INTS1: variants seen among roughly 807,000 people sequenced by gnomAD.
The protein encoded by INTS1 is integrator complex subunit 1.
In INTS1, 137 loss-of-function variants were observed where a neutral mutation model predicts 241.6. That is an observed-to-expected ratio of 0.57 (90% CI 0.49 to 0.65). The LOEUF (loss-of-function observed/expected upper bound fraction) is 0.65. Ranked by LOEUF, INTS1 falls within the 30% of genes least tolerant of loss-of-function variation. The pLI, the probability that INTS1 is intolerant of heterozygous loss-of-function variation, is 0.00. For synonymous variants in INTS1, 1,692 were observed against 1,337.8 expected, an observed-to-expected ratio of 1.26 and a Z score of -5.78; for missense variants, 3,073 against 3,032.2, an observed-to-expected ratio of 1.01 and a Z score of -0.32.
rs545347667 is a variant in INTS1, at chr7:1,481,797, G to C, written c.3704-309C>G. 6.6e-6 allele frequency among the ~76,000 whole-genome samples: 1 copy of C among 150,684 alleles called. No individual in the cohort carries two copies. The highest frequency in any genetic ancestry group is 1.5e-5 in the Non-Finnish European group (1 of 67,546). On this transcript the variant is annotated intron_variant, in intron 27 of 47. Coordinates refer to ENST00000404767, the MANE Select transcript of INTS1 (RefSeq NM_001080453.3). The surrounding 1 kb of genome is among the most constrained non-coding windows in gnomAD (Gnocchi z 6.8). ...CTGAGACCCTGGGCCACGTGGGCTC[G>C]GTGACCCCACCCGAGACCTGGGGCC...
At chr7:1,495,350 T>TGGGG in intron 13 of INTS1, 83 bp downstream of exon 13, 1 of 1,478,930 alleles carries the variant, frequency 6.8e-7, no homozygotes, top group Non-Finnish European at 9.1e-7. Context: ...TCAGTGGGGT[T>TGGGG]TGGGGCAGGG....
chr7:1,481,074 T>A lies in INTS1; in HGVS notation c.3851-141A>T. ...GACTTCAGAAGCTGGGTGAGCTCAG[T>A]CAGCACTGAGGCCCCAACAGCTCCC... On this transcript the variant is annotated intron_variant, in intron 28 of 47. Coordinates refer to ENST00000404767, the MANE Select transcript of INTS1 (RefSeq NM_001080453.3). The surrounding 1 kb of genome is among the most constrained non-coding windows in gnomAD (Gnocchi z 6.8). 1 of 713,572 alleles carries A rather than the reference T, an allele frequency of 1.4e-6. No homozygotes were observed. Among genetic ancestry groups the A allele is most frequent in the Admixed American group, 2.3e-5 (1 of 44,220 alleles). 44.2% of individuals were successfully genotyped at this position (713,572 alleles called of 1,614,324 possible). A position where few individuals can be genotyped will look rare whatever the true frequency, so the allele number is the denominator to read the frequency against.
chr7:1,473,105 T>C lies in INTS1; in HGVS notation c.6037A>G (p.Arg2013Gly). The C allele has an allele frequency of 3.1e-6, 5 of 1,611,582 alleles. No homozygotes were observed. Among genetic ancestry groups the C allele is most frequent in the Non-Finnish European group, 4.2e-6 (5 of 1,179,068 alleles). Residue 2013 changes from arginine (R) to glycine (G), a missense_variant, in exon 43 of 48, where the codon AGG becomes GGG. Transcript: ENST00000404767. ...TCTTCGTCCAGGCCTCGGTCGGTCC[T>C]GTCGTCCCTGCTGGGCAGGCTGAGC... ...AGLSLPSRDD[R>G]TDRGLDEEGE... is the part of the protein sequence containing the mutation.
At chr7:1,478,596 C>G in intron 32 of INTS1, 90 bp from the exon 33 acceptor site, 1 of 1,523,624 alleles carries the variant, frequency 6.6e-7, no homozygotes, top group Non-Finnish European at 8.9e-7. Flanking sequence ...AGAAGGGCTC[C>G]CCTGGGCCCA....
Position 1,493,180 on chromosome 7 carries a change from C to A in INTS1, c.2069-74G>T. ...AGGCACAGGCAGCGAGGGAACCGGCCCTGCTCGGGCCGCGTCGGGGTGGGG... is the reference window on the plus strand; with the variant it reads ...AGGCACAGGCAGCGAGGGAACCGGCACTGCTCGGGCCGCGTCGGGGTGGGG... On this transcript the variant is annotated intron_variant, in intron 15 of 47. Coordinates refer to ENST00000404767, the MANE Select transcript of INTS1 (RefSeq NM_001080453.3). The surrounding 1 kb of genome is among the most constrained non-coding windows in gnomAD (Gnocchi z 5.3). The A allele has an allele frequency of 7.8e-7, 1 of 1,277,616 alleles. No individual in the cohort carries two copies. Among genetic ancestry groups the A allele is most frequent in the Non-Finnish European group, 1.1e-6 (1 of 886,448 alleles). The allele number at this position is 1,277,616 out of a possible 1,614,324, so 79.1% of individuals were successfully genotyped here.
Position 1,481,640 on chromosome 7 carries a change from G to T in INTS1, c.3704-152C>A, listed in dbSNP as rs1276400949. Among the ~76,000 whole-genome samples, 2 of 149,248 alleles carry T rather than the reference G, an allele frequency of 1.3e-5. No homozygotes were observed. The highest frequency in any genetic ancestry group is 1.3e-4 in the Admixed American group (2 of 14,850). ...TCGGTGACCCCACCCAAGACCTGGG[G>T]CAGTGCACACTCGGCAGCCCCACCT... On this transcript the variant is annotated intron_variant, in intron 27 of 47. Coordinates refer to ENST00000404767, the MANE Select transcript of INTS1 (RefSeq NM_001080453.3). This position sits in a 1 kb window ranked among gnomAD's most constrained non-coding sequence, Gnocchi z 6.8.
rs760608601 is a variant in INTS1, at chr7:1,494,808, G to A, written c.1910+8C>T. The A allele has an allele frequency of 2.6e-5, 41 of 1,558,074 alleles. No homozygotes were observed. The highest frequency in any genetic ancestry group is 1.4e-4 in the African/African-American group (10 of 73,340). ...GCACACAGGAGCCCCAGGCGGCAGC[G>A]CACTCACTTGCGGTCACTCTCGGGT... On this transcript the variant is annotated splice_region_variant and intron_variant, in intron 14 of 47. Coordinates refer to ENST00000404767, the MANE Select transcript of INTS1 (RefSeq NM_001080453.3).
At position 1,475,764 on chromosome 7, in the gene INTS1, C is replaced by T. The variant is rs770447465; in HGVS notation, c.5502+184G>A. ...TCTCCAGACTGTGCGAGCAGAGCAC[C>T]CGCAAGCTCCCTCGGTATAAAACTC... On this transcript the variant is annotated intron_variant, in intron 39 of 47. Transcript: ENST00000404767. 6.6e-5 allele frequency among the ~76,000 whole-genome samples: 10 copies of T among 152,376 alleles called. No homozygotes were observed. The East Asian group carries it at 1.9e-3, about 29-fold the overall frequency.
Position 1,487,848 on chromosome 7 carries a change from C to A in INTS1, c.2428G>T (p.Glu810Ter). The A allele has an allele frequency of 6.2e-7, 1 of 1,613,518 alleles. No homozygotes were observed. Among genetic ancestry groups the A allele is most frequent in the Non-Finnish European group, 8.5e-7 (1 of 1,179,866 alleles). ...GTGGACGCGGCCGCCAGGTGCCCCT[C>A]GAAGGCCAGGATCTCCTGCTTCTCC... ...QREKQEILAF[E>*]GHLAAASTKQ... Residue 810 changes from glutamate to a stop codon, truncating the protein, a stop_gained, in exon 19 of 48, where the codon GAG becomes TAG. Coordinates refer to ENST00000404767, the MANE Select transcript of INTS1 (RefSeq NM_001080453.3). LOFTEE classifies it high-confidence loss of function.
At chr7:1,503,840 T>TCCCCACAGAC (rs1783324568) in intron 2 of INTS1, 63 bp downstream of exon 2, 5 of 898,428 alleles carry the variant, frequency 5.6e-6, no homozygotes, top group Admixed American at 2.6e-5. Context: ...GCAGCTGAGA[T>TCCCCACAGAC]CCCCAAAGAC....
intron 3 of INTS1, among the ~76,000 whole-genome samples, chr7:1,502,385 G>A (rs546349328): frequency 1.3e-5 from 2 of 152,110 alleles, no homozygotes; most frequent in Admixed American, 6.6e-5. Flanking sequence ...CTGCGAGAAC[G>A]GGACAGTGGT....
intron 16 of INTS1, among the ~76,000 whole-genome samples, chr7:1,491,226 G>A (rs1053848001): frequency 2.6e-5 from 4 of 152,232 alleles, no homozygotes; most frequent in African/African-American, 4.8e-5. Flanking sequence ...GAAGATGATC[G>A]GGCCTCCCCA....
rs774889412 is a variant in INTS1, at chr7:1,499,561, G to A, written c.756C>T (p.Asn252=). ...DSPHCKTFVD[N]IQTAFNTRMP... is the part of the protein sequence containing the mutation. ...TTCTGGTGTTGAAGGCCGTCTGGAT[G>A]TTGTCCACAAACGTCTTACAGTGAG... The change falls in exon 6 of 48, where the codon AAC becomes AAT. Residue 252 remains asparagine (N), a synonymous_variant. Transcript: ENST00000404767. 2.8e-5 allele frequency: 45 copies of A among 1,613,446 alleles called. No homozygotes were observed. The highest frequency in any genetic ancestry group is 2.5e-4 in the South Asian group (23 of 91,084).
Position 1,487,773 on chromosome 7 carries a change from T to C in INTS1, c.2503A>G (p.Ser835Gly). 1 of 1,609,056 alleles carries C rather than the reference T, an allele frequency of 6.2e-7. No individual in the cohort carries two copies. The part of the protein sequence containing the change: ...SSSLLLSQLT[S>G]LDPQGPPRRP... ...TGGGCTGCGTACTGGGGGTCCAGGC[T>C]GGTGAGCTGCGACAGGAGGAGGCTG... is the stretch of plus-strand genomic sequence containing the variant. Residue 835 changes from serine (S) to glycine (G), a missense_variant, in exon 19 of 48, where the codon AGC (serine) becomes GGC (glycine). Physicochemically the swap from Ser to Gly is moderately conservative, Grantham distance 56. Transcript: ENST00000404767.
Position 1,498,847 on chromosome 7 carries a change from G to A in INTS1, c.1143C>T (p.Thr381=), listed in dbSNP as rs772472892. Residue 381 remains threonine, a synonymous_variant, in exon 9 of 48, where the codon ACC becomes ACT. Transcript: ENST00000404767. ...LEMWLQNPKL[T]RPAQDLLMSV... ...ACATCAGCAGGTCCTGGGCCGGCCGGGTCAGCTGCGGGGCCGAGGAGGGAG... is the reference window on the plus strand; with the variant it reads ...ACATCAGCAGGTCCTGGGCCGGCCGAGTCAGCTGCGGGGCCGAGGAGGGAG... 3 of 1,602,414 alleles carry A rather than the reference G, an allele frequency of 1.9e-6. No homozygotes were observed. Among genetic ancestry groups the A allele is most frequent in the Non-Finnish European group, 2.6e-6 (3 of 1,175,318 alleles).
In INTS1 at chr7:1,493,185, T is replaced by C; in HGVS notation, c.2069-79A>G. 1.1e-6 allele frequency: 1 copy of C among 875,356 alleles called. No homozygotes were observed. Among genetic ancestry groups the C allele is most frequent in the Non-Finnish European group, 1.7e-6 (1 of 580,214 alleles). 54.2% of individuals were successfully genotyped at this position (875,356 alleles called of 1,614,324 possible). ...CAGGCAGCGAGGGAACCGGCCCTGC[T>C]CGGGCCGCGTCGGGGTGGGGTGGGG... On this transcript the variant is annotated intron_variant, in intron 15 of 47. Transcript: ENST00000404767. This position sits in a 1 kb window ranked among gnomAD's most constrained non-coding sequence, Gnocchi z 5.3.
In INTS1 at chr7:1,504,362, G is replaced by A. The variant is rs536924878; in HGVS notation, c.-81C>T. 1 of 493,620 alleles carries A rather than the reference G, an allele frequency of 2.0e-6. No individual in the cohort carries two copies. Among genetic ancestry groups the A allele is most frequent in the Non-Finnish European group, 4.0e-6 (1 of 253,082 alleles). 30.6% of individuals were successfully genotyped at this position (493,620 alleles called of 1,614,324 possible). A position where few individuals can be genotyped will look rare whatever the true frequency, so the allele number is the denominator to read the frequency against. On this transcript the variant is annotated 5_prime_UTR_variant, in exon 1 of 48. Coordinates refer to ENST00000404767, the MANE Select transcript of INTS1 (RefSeq NM_001080453.3). ...GACCGGAGCGCCGCCGCCGCCACCCGGCCACCCCGGAATCGGAAACCGATC... is the reference window on the plus strand; with the variant it reads ...GACCGGAGCGCCGCCGCCGCCACCCAGCCACCCCGGAATCGGAAACCGATC...
chr7:1,503,534 C>A (rs1783303668), intron 2 of INTS1, among the ~76,000 whole-genome samples: 1 of 152,258 alleles, frequency 6.6e-6, no homozygotes, highest in South Asian at 2.1e-4. Context: ...TGCCCAGCGT[C>A]ACACAGCAGG....
At chr7:1,495,360 G>C in intron 13 of INTS1, 73 bp downstream of exon 13, 1 of 1,530,560 alleles carries the variant, frequency 6.5e-7, no homozygotes, top group South Asian at 1.2e-5. Context: ...TTGGGGCAGG[G>C]GTTGTGCGGG....
Sources: gnomAD v4.1 joint callset for allele counts (sites outside exome capture counted in the v4.1 genomes callset) on GRCh38, gnomAD v4.1.1 for gene constraint, Gnocchi (gnomAD v3.1) non-coding constraint, MANE v1.5 for transcripts, NCBI Gene and HGNC (gene_info 2026-07-23, HGNC 2026-07-21) for gene names.